The following HMCN2 variants were observed in gnomAD, a reference collection of about 807,000 sequenced individuals.
The protein encoded by HMCN2 is hemicentin 2.
In HMCN2, 325 loss-of-function variants were observed where a neutral mutation model predicts 377.5. The ratio of observed to expected loss-of-function variants is 0.86; its 90% CI spans 0.79 to 0.94. HMCN2 has a LOEUF of 0.94. HMCN2 is among the 40% of genes least tolerant of loss of function. The pLI, the probability that HMCN2 is intolerant of heterozygous loss-of-function variation, is 0.00. For synonymous variants in HMCN2, 2,007 were observed against 2,046.8 expected, an observed-to-expected ratio of 0.98 and a Z score of 0.53; for missense variants, 4,543 against 4,725.3, an observed-to-expected ratio of 0.96 and a Z score of 1.13.
intron 22 of HMCN2, among the ~76,000 whole-genome samples, chr9:130,331,313 G>A (rs1838416296): frequency 6.6e-6 from 1 of 152,156 alleles, no homozygotes; most frequent in Non-Finnish European, 1.5e-5. Flanking sequence ...TTTATCTCCT[G>A]GGTCGGTTCC....
intron 85 of HMCN2, among the ~76,000 whole-genome samples, chr9:130,412,278 C>T (rs762192450): frequency 5.9e-5 from 9 of 152,120 alleles, no homozygotes; most frequent in Non-Finnish European, 1.3e-4. Flanking sequence ...AGGGCTTGTG[C>T]TCATTCTTAA....
In HMCN2 at chr9:130,298,293, G is replaced by A. The variant is rs180671349; in HGVS notation, c.1013-732G>A. On this transcript the variant is annotated intron_variant, in intron 7 of 97. Coordinates refer to ENST00000683500, the MANE Select transcript of HMCN2 (RefSeq NM_001291815.2). ...TAAAGAGAAACATTTGGGAGGCCAA[G>A]GTAGGAGGATTGCTTGAGGCCAGGA... is the stretch of plus-strand genomic sequence containing the variant. 4.3e-4 allele frequency among the ~76,000 whole-genome samples: 65 copies of A among 152,254 alleles called. 1 individual carries two copies. The highest frequency in any genetic ancestry group is 6.8e-3 in the Middle Eastern group (2 of 294).
At chr9:130,307,058 G>A (rs1380706422) in intron 13 of HMCN2, 120 bp downstream of exon 13, 4 of 364,850 alleles carry the variant, frequency 1.1e-5, no homozygotes, top group Non-Finnish European at 2.3e-5. Context: ...ACACGGCAGT[G>A]AACACATGGT....
chr9:130,292,517 C>T (rs144400565), intron 4 of HMCN2, among the ~76,000 whole-genome samples: 122 of 152,296 alleles, frequency 8.0e-4, no homozygotes, highest in African/African-American at 2.6e-3. Flanking sequence ...CGAAAAGGCA[C>T]GGAATCACAC....
At chr9:130,278,671 C>T (rs1834933114) in intron 1 of HMCN2, among the ~76,000 whole-genome samples, 1 of 151,810 alleles carries the variant, frequency 6.6e-6, no homozygotes, top group Non-Finnish European at 1.5e-5. Context: ...CAACCTCTGC[C>T]TCCTGGGTTC....
intron 4 of HMCN2, among the ~76,000 whole-genome samples, chr9:130,288,555 A>G (rs1835550220): frequency 6.6e-6 from 1 of 152,232 alleles, no homozygotes; most frequent in Admixed American, 6.5e-5. Flanking sequence ...TCCAGCTGGG[A>G]GAACTCCCCA....
chr9:130,270,978 C>A (rs1356342952), intron 1 of HMCN2, among the ~76,000 whole-genome samples: 2 of 149,014 alleles, frequency 1.3e-5, no homozygotes, highest in African/African-American at 4.9e-5. Context: ...GTTTCTCAGG[C>A]TTACTTTCGT....
intron 86 of HMCN2, among the ~76,000 whole-genome samples, chr9:130,419,825 C>T (rs1843889422): frequency 6.6e-6 from 1 of 152,202 alleles, no homozygotes; most frequent in Non-Finnish European, 1.5e-5. Flanking sequence ...CGCCTCTCAG[C>T]TAATTGGAAT....
In HMCN2 at chr9:130,398,536, C is replaced by T; in HGVS notation, c.11327-15C>T. 1 of 1,204,772 alleles carries T rather than the reference C, an allele frequency of 8.3e-7. No homozygotes were observed. The highest frequency in any genetic ancestry group is 1.1e-6 in the Non-Finnish European group (1 of 940,576). 74.6% of individuals were successfully genotyped at this position (1,204,772 alleles called of 1,614,324 possible). A position where few individuals can be genotyped will look rare whatever the true frequency, so the allele number is the denominator to read the frequency against. On this transcript the variant is annotated splice_polypyrimidine_tract_variant and intron_variant, in intron 74 of 97. Coordinates refer to ENST00000683500, the MANE Select transcript of HMCN2 (RefSeq NM_001291815.2). ...GCCCCCTGCACCTGTCTCCTGACCA[C>T]TGTGCTCTCCCCAGAGCCTCCAGCC...
At chr9:130,420,371 G>C (rs540708728) in intron 86 of HMCN2, among the ~76,000 whole-genome samples, 1 of 151,866 alleles carries the variant, frequency 6.6e-6, no homozygotes, top group African/African-American at 2.4e-5. Flanking sequence ...ACCGCGCCCG[G>C]CCCGTCCCAC....
At position 130,294,899 on chromosome 9, in the gene HMCN2, C is replaced by T. The variant is rs1554931390; in HGVS notation, c.657C>T (p.His219=). 8.5e-6 allele frequency: 4 copies of T among 469,116 alleles called. No individual in the cohort carries two copies. The highest frequency in any genetic ancestry group is 3.1e-5 in the South Asian group (2 of 64,172). The allele number at this position is 469,116 out of a possible 1,614,324, so 29.1% of individuals were successfully genotyped here. The change falls in exon 5 of 98, where the codon CAC becomes CAT. Residue 219 remains histidine, a synonymous_variant. Transcript: ENST00000683500. ...CAGCGATCCAGGCCTCCAAGGTGCA[C>T]CTGCTGTCCACAGACCACGAGGAGG... ...VESAIQASKV[H]LLSTDHEEEG...
intron 4 of HMCN2, among the ~76,000 whole-genome samples, chr9:130,292,405 A>T (rs924382125): frequency 6.6e-6 from 1 of 152,206 alleles, no homozygotes; most frequent in Non-Finnish European, 1.5e-5. Flanking sequence ...TCCTAACTGC[A>T]TCATTCCTCC....
intron 1 of HMCN2, among the ~76,000 whole-genome samples, chr9:130,277,317 G>C (rs146803572): frequency 2.3e-4 from 35 of 152,340 alleles, no homozygotes; most frequent in African/African-American, 7.9e-4. Flanking sequence ...GGGACTGCAC[G>C]CCACATCTGC....
chr9:130,275,207 G>T (rs1834625729), intron 1 of HMCN2, among the ~76,000 whole-genome samples: 1 of 152,166 alleles, frequency 6.6e-6, no homozygotes, highest in African/African-American at 2.4e-5. Flanking sequence ...GATCGTTGGT[G>T]ACCTTCCAGT....
chr9:130,359,684 C>G (rs1840255700), intron 37 of HMCN2, among the ~76,000 whole-genome samples: 1 of 152,190 alleles, frequency 6.6e-6, no homozygotes, highest in Admixed American at 6.5e-5. Context: ...GGGCGAGGAT[C>G]AGGACCTCAG....
intron 86 of HMCN2, among the ~76,000 whole-genome samples, chr9:130,421,318 C>T (rs1843992440): frequency 6.6e-6 from 1 of 152,188 alleles, no homozygotes; most frequent in African/African-American, 2.4e-5. Context: ...TGCTGCGTAT[C>T]TTTGTGTGTG....
chr9:130,310,398 C>T (rs1837176812), intron 15 of HMCN2, among the ~76,000 whole-genome samples: 1 of 152,264 alleles, frequency 6.6e-6, no homozygotes, highest in Admixed American at 6.5e-5. Context: ...CCGCAGTCAT[C>T]TCAAGGTTTG....
chr9:130,376,575 A>G lies in HMCN2; in HGVS notation c.7978A>G (p.Thr2660Ala). ...GGAGGTCGGCGTGAAGGAGGTGAAG[A>G]CCAAGGTCAACAGCACCTTGACCTT... ...LAEVGVKEVK[T>A]KVNSTLTLEC... The change falls in exon 52 of 98, where the codon ACC becomes GCC. Residue 2660 changes from threonine (T) to alanine (A), a missense_variant. Transcript: ENST00000683500. 5.1e-6 allele frequency: 5 copies of G among 985,810 alleles called. No homozygotes were observed. Among genetic ancestry groups the G allele is most frequent in the Non-Finnish European group, 4.8e-6 (4 of 829,946 alleles). The allele number at this position is 985,810 out of a possible 1,614,324, so 61.1% of individuals were successfully genotyped here. A position where few individuals can be genotyped will look rare whatever the true frequency, so the allele number is the denominator to read the frequency against.
Position 130,393,325 on chromosome 9 carries a change from TG to T in HMCN2, c.10234+20del, listed in dbSNP as rs1242640985. On this transcript the variant is annotated intron_variant, in intron 67 of 97. Coordinates refer to ENST00000683500, the MANE Select transcript of HMCN2 (RefSeq NM_001291815.2). The surrounding 1 kb of genome is among the most constrained non-coding windows in gnomAD (Gnocchi z 5.2). ...CAGGTGCAGGGTATGGAGCAGGGGG[TG>T]GGGCAAGGGGGTCTCTGGCCTTGGT... 3.0e-6 allele frequency: 3 copies of T among 989,766 alleles called. No homozygotes were observed. The African/African-American group carries it at 5.2e-5, about 17-fold the overall frequency. 61.3% of individuals were successfully genotyped at this position (989,766 alleles called of 1,614,324 possible). A position where few individuals can be genotyped will look rare whatever the true frequency, so the allele number is the denominator to read the frequency against.
Sources: allele counts gnomAD v4.1 joint callset (sites outside exome capture counted in the v4.1 genomes callset), GRCh38; gene constraint gnomAD v4.1.1; non-coding constraint Gnocchi (gnomAD v3.1); transcripts MANE v1.5; gene names NCBI Gene and HGNC (gene_info 2026-07-23, HGNC 2026-07-21).